The following AFF4 variants were observed in gnomAD, a reference collection of about 807,000 sequenced individuals.
AFF4 encodes ALF transcription elongation factor 4, also known as AF4/FMR2 family member 4.
Under a neutral mutation model 124.8 loss-of-function variants are expected in AFF4, and 13 were observed. The observed-to-expected ratio is 0.10, with a 90% CI of 0.07 to 0.17. The LOEUF (loss-of-function observed/expected upper bound fraction) is 0.17, where lower values mean the gene tolerates loss of function less well. AFF4 is among the 10% of genes least tolerant of loss of function. The pLI is 1.00. For synonymous variants in AFF4, 477 were observed against 496.1 expected (o/e 0.96, Z 0.51); for missense variants, 1,092 against 1,403.8 (o/e 0.78, Z 3.55).
At chr5:132,935,866 T>A (rs1035260018) in intron 2 of AFF4, among the ~76,000 whole-genome samples, 1 of 148,724 alleles carries the variant, frequency 6.7e-6, no homozygotes, top group Non-Finnish European at 1.5e-5. Context: ...GTGGTGGCAA[T>A]GAGCCGAGAT....
At chr5:132,910,048 T>C (rs997281247) in intron 5 of AFF4, among the ~76,000 whole-genome samples, 2 of 152,244 alleles carry the variant, frequency 1.3e-5, no homozygotes, top group Non-Finnish European at 2.9e-5. Context: ...TTGCTTTCTT[T>C]TGTATTATTG....
intron 1 of AFF4, among the ~76,000 whole-genome samples, chr5:132,956,199 A>G (rs1264113450): frequency 6.6e-6 from 1 of 152,088 alleles, no homozygotes; most frequent in Non-Finnish European, 1.5e-5. Flanking sequence ...TAAATATTTC[A>G]GGTTTGGCAG....
intron 5 of AFF4, among the ~76,000 whole-genome samples, chr5:132,918,408 TC>T (rs1561494623): frequency 6.6e-6 from 1 of 151,712 alleles, no homozygotes; most frequent in Non-Finnish European, 1.5e-5. Flanking sequence ...ATGCCTGTAA[TC>T]CCAGCACTTT....
chr5:132,908,508 C>CATG (rs1384296287), intron 5 of AFF4, among the ~76,000 whole-genome samples: 1 of 151,654 alleles, frequency 6.6e-6, no homozygotes, highest in Admixed American at 6.6e-5. Context: ...TTCCATGTTC[C>CATG]TTGTTGTAAA....
intron 19 of AFF4, among the ~76,000 whole-genome samples, chr5:132,883,919 T>G (rs1169912835): frequency 2.6e-5 from 4 of 152,232 alleles, no homozygotes; most frequent in Admixed American, 2.6e-4. Flanking sequence ...TTATACTGTT[T>G]TGTAGAAAGT....
intron 19 of AFF4, among the ~76,000 whole-genome samples, chr5:132,884,390 C>G (rs868145108): frequency 2.0e-5 from 3 of 152,052 alleles, no homozygotes; most frequent in African/African-American, 2.4e-5. Flanking sequence ...CAGGCGCGCA[C>G]GACACCACAC....
At chr5:132,913,653 G>A (rs550901021) in intron 5 of AFF4, among the ~76,000 whole-genome samples, 1 of 152,284 alleles carries the variant, frequency 6.6e-6, no homozygotes, top group South Asian at 2.1e-4. Flanking sequence ...TGTTGCTCAG[G>A]CTGGTCTCAA....
intron 6 of AFF4, 56 bp from the exon 7 acceptor site, chr5:132,902,543 T>G (rs1451176109): frequency 1.5e-6 from 2 of 1,290,616 alleles, no homozygotes; most frequent in East Asian, 4.6e-5. Flanking sequence ...GACTGTAAAA[T>G]GTCTATGTAA....
intron 1 of AFF4, among the ~76,000 whole-genome samples, chr5:132,958,308 CA>C (rs1382809823): frequency 6.6e-6 from 1 of 150,644 alleles, no homozygotes. Flanking sequence ...ACAAAAAATA[CA>C]AAAAAAATTA....
Position 132,896,423 on chromosome 5 carries a change from G to A in AFF4, c.2207C>T (p.Pro736Leu), listed in dbSNP as rs771044846. ...CACATTTTTCTTTTCCCCCTTGGGC[G>A]GCTCTGTTTCTTTGTAAGGCTTTCC... Reference protein sequence around the residue: ...IPGKPYKETEPPKGEKKNVPE... With the variant: ...IPGKPYKETELPKGEKKNVPE... Residue 736 changes from proline to leucine, a missense_variant, in exon 11 of 21, where the codon CCG becomes CTG. Transcript: ENST00000265343. 38 of 1,614,000 alleles carry A rather than the reference G, an allele frequency of 2.4e-5. No individual in the cohort carries two copies. The highest frequency in any genetic ancestry group is 2.8e-5 in the Non-Finnish European group (33 of 1,180,016).
intron 1 of AFF4, among the ~76,000 whole-genome samples, chr5:132,954,505 G>A (rs781628002): frequency 6.6e-6 from 1 of 151,632 alleles, no homozygotes; most frequent in Non-Finnish European, 1.5e-5. Context: ...GGTTGCCCAC[G>A]ACCTCTGGAG....
At chr5:132,888,899 T>C (rs1760185523) in intron 14 of AFF4, among the ~76,000 whole-genome samples, 180 bp downstream of exon 14, 1 of 152,152 alleles carries the variant, frequency 6.6e-6, no homozygotes, top group East Asian at 1.9e-4. Context: ...GGTTTCTCCA[T>C]GTTGGTCAGG....
At chr5:132,918,607 A>T (rs960222647) in intron 5 of AFF4, among the ~76,000 whole-genome samples, 7 of 151,138 alleles carry the variant, frequency 4.6e-5, no homozygotes, top group African/African-American at 1.7e-4. Context: ...GGTTGCACTG[A>T]GCACCACTGT....
At chr5:132,947,943 A>T (rs1761739666) in intron 1 of AFF4, among the ~76,000 whole-genome samples, 1 of 152,208 alleles carries the variant, frequency 6.6e-6, no homozygotes, top group African/African-American at 2.4e-5. Context: ...GAAAACAAAG[A>T]TAACAATTCC....
At position 132,896,631 on chromosome 5, in the gene AFF4, T is replaced by G; in HGVS notation, c.1999A>C (p.Lys667Gln). ...GGAGTCCTATTGCTCTCGGGGTACT[T>G]AGGAGTTTGTGAGGAAGGAGGAAGG... ...ESLPPSSQTP[K>Q]YPESNRTPVK... The change falls in exon 11 of 21, where the codon AAG becomes CAG. Residue 667 changes from lysine to glutamine, a missense_variant. Lys to Gln is a moderately conservative substitution (Grantham distance 53). Around this residue, in one of 11 missense-constraint regions of AFF4, gnomAD observed 174 missense variants for 205.9 expected, o/e 0.84. Transcript: ENST00000265343. The G allele has an allele frequency of 6.2e-7, 1 of 1,614,020 alleles. No homozygotes were observed. Among genetic ancestry groups the G allele is most frequent in the Non-Finnish European group, 8.5e-7 (1 of 1,179,982 alleles).
At chr5:132,927,374 G>T in intron 4 of AFF4, 167 bp from the exon 5 acceptor site, 1 of 553,448 alleles carries the variant, frequency 1.8e-6, no homozygotes, top group Non-Finnish European at 3.1e-6. Flanking sequence ...GCACTATGGT[G>T]TAGGTAATAA....
intron 5 of AFF4, among the ~76,000 whole-genome samples, chr5:132,921,474 T>C (rs1468990308): frequency 1.9e-3 from 71 of 37,830 alleles, no homozygotes; most frequent in African/African-American, 5.9e-3. Flanking sequence ...TTTTTTTTTC[T>C]TTTTTTTTTT....
In AFF4 at chr5:132,938,284, G is replaced by T. The variant is rs1195235302; in HGVS notation, c.-4-1091C>A. Among the ~76,000 whole-genome samples, 783 of 132,864 alleles carry T rather than the reference G, an allele frequency of 5.9e-3. 14 individuals are homozygous for T. Among genetic ancestry groups the T allele is most frequent in the East Asian group, 3.2e-3 (15 of 4,646 alleles). The allele number at this position is 132,864 out of a possible 152,430, so 87.2% of individuals were successfully genotyped here. On this transcript the variant is annotated intron_variant, in intron 1 of 20. Coordinates refer to ENST00000265343, the MANE Select transcript of AFF4 (RefSeq NM_014423.4). ...GTATTATACTCTTTTTTTTTTTTTT[G>T]AAACAGAGTCTTGCTCTATCATCCA...
At chr5:132,920,409 T>C (rs1581304980) in intron 5 of AFF4, among the ~76,000 whole-genome samples, 1 of 147,220 alleles carries the variant, frequency 6.8e-6, no homozygotes, top group Admixed American at 7.0e-5. Flanking sequence ...TAGGCTGGAG[T>C]GCAGTGGCAT....
Sources: allele counts gnomAD v4.1 joint callset (sites outside exome capture counted in the v4.1 genomes callset), GRCh38; gene constraint gnomAD v4.1.1; regional missense constraint gnomAD v4.1.1; transcripts MANE v1.5; gene names NCBI Gene and HGNC (gene_info 2026-07-23, HGNC 2026-07-21).